Variants in SYT14 observed in about 807,000 individuals in gnomAD.
The protein encoded by SYT14 is synaptotagmin-14.
In SYT14, 32 loss-of-function variants were observed where a neutral mutation model predicts 74.2. The observed-to-expected ratio is 0.43, with a 90% CI of 0.33 to 0.58. The LOEUF (loss-of-function observed/expected upper bound fraction) is 0.58, where lower values mean the gene tolerates loss of function less well. Among genes scored for constraint, SYT14 ranks in the 20% least tolerant of loss-of-function variants. The pLI is 0.05. For missense variants in SYT14, 791 were observed against 981.8 expected (o/e 0.81, Z 2.60); for synonymous variants, 298 against 337.7 (o/e 0.88, Z 1.29).
chr1:210,083,574 AT>A (rs1333145195), intron 5 of SYT14, among the ~76,000 whole-genome samples: 115 of 143,916 alleles, frequency 8.0e-4, no homozygotes, highest in Admixed American at 1.2e-3. Context: ...CTAATTTTCA[AT>A]TTTTTTTTTT....
intron 1 of SYT14, among the ~76,000 whole-genome samples, chr1:209,942,143 A>G (rs1022211316): frequency 1.3e-4 from 20 of 152,162 alleles, no homozygotes; most frequent in African/African-American, 4.6e-4. Flanking sequence ...CCAAGTTTCT[A>G]TGCATTGTTT....
At chr1:210,097,174 T>A (rs939810064) in intron 6 of SYT14, among the ~76,000 whole-genome samples, 1 of 152,246 alleles carries the variant, frequency 6.6e-6, no homozygotes, top group Non-Finnish European at 1.5e-5. Flanking sequence ...TTTGTGTTTT[T>A]TCAAGTTTAT....
At chr1:209,946,733 A>G (rs2078829151) in intron 1 of SYT14, among the ~76,000 whole-genome samples, 1 of 152,258 alleles carries the variant, frequency 6.6e-6, no homozygotes, top group African/African-American at 2.4e-5. Context: ...AGGTGGCTAC[A>G]CTAAACAACA....
intron 6 of SYT14, among the ~76,000 whole-genome samples, chr1:210,094,931 G>T (rs1434260255): frequency 6.6e-6 from 1 of 151,366 alleles, no homozygotes; most frequent in East Asian, 1.9e-4. Flanking sequence ...ATTTTATTTT[G>T]GATTTTTTTA....
chr1:209,961,729 AT>A (rs925655886), intron 2 of SYT14, among the ~76,000 whole-genome samples: 62 of 148,558 alleles, frequency 4.2e-4, no homozygotes, highest in African/African-American at 1.1e-3. Flanking sequence ...AATCAGATGT[AT>A]TTTTTTTTTG....
chr1:209,954,925 C>T (rs540126707), intron 2 of SYT14, among the ~76,000 whole-genome samples: 7 of 152,192 alleles, frequency 4.6e-5, no homozygotes, highest in Admixed American at 6.5e-5. Flanking sequence ...AGGCTGGTCT[C>T]GAATTCGTGG....
intron 5 of SYT14, among the ~76,000 whole-genome samples, chr1:210,048,293 T>C (rs1458843894): frequency 6.6e-6 from 1 of 152,176 alleles, no homozygotes; most frequent in Non-Finnish European, 1.5e-5. Context: ...TCTGTATGTG[T>C]CCCTGTATTA....
intron 2 of SYT14, among the ~76,000 whole-genome samples, chr1:209,980,024 A>G (rs1395329144): frequency 6.6e-6 from 1 of 152,248 alleles, no homozygotes; most frequent in East Asian, 1.9e-4. Context: ...GTTTTTGAAG[A>G]ATCACCATAT....
chr1:209,983,946 T>C (rs2079531657), intron 2 of SYT14, among the ~76,000 whole-genome samples: 1 of 152,218 alleles, frequency 6.6e-6, no homozygotes, highest in Admixed American at 6.5e-5. Context: ...TTCCTTCTTG[T>C]ATATAGTCAG....
At chr1:209,962,831 A>T (rs1289724534) in intron 2 of SYT14, among the ~76,000 whole-genome samples, 4 of 152,112 alleles carry the variant, frequency 2.6e-5, no homozygotes, top group Non-Finnish European at 5.9e-5. Flanking sequence ...ATGAGAGCCC[A>T]TCCTGTACCT....
intron 5 of SYT14, among the ~76,000 whole-genome samples, chr1:210,043,520 A>G (rs1278041720): frequency 6.6e-6 from 1 of 152,228 alleles, no homozygotes; most frequent in African/African-American, 2.4e-5. Context: ...TCCAAATGGC[A>G]TATAGTTGTC....
At chr1:210,070,713 C>T (rs2081376880) in intron 5 of SYT14, among the ~76,000 whole-genome samples, 1 of 152,092 alleles carries the variant, frequency 6.6e-6, no homozygotes, top group East Asian at 1.9e-4. Context: ...AAGTGGCTTG[C>T]GCTTTGTTGT....
intron 7 of SYT14, among the ~76,000 whole-genome samples, chr1:210,133,200 A>G (rs1038642492): frequency 1.3e-5 from 2 of 152,222 alleles, no homozygotes; most frequent in African/African-American, 4.8e-5. Flanking sequence ...ATTTCTAGCA[A>G]AGCATCTTAG....
At chr1:210,015,783 A>T in exon 4 of SYT14, 1 of 842,004 alleles carries the variant, frequency 1.2e-6, no homozygotes, top group Non-Finnish European at 1.5e-6. Context: ...GTTTAAACCA[A>T]GTGGTTTGAT....
At chr1:210,018,300 G>A (rs227223) in intron 4 of SYT14, among the ~76,000 whole-genome samples, 82,553 of 151,720 alleles carry the variant, frequency 0.54, 23,724 homozygotes, top group African/African-American at 0.73. Flanking sequence ...CGCCCAGCTA[G>A]TTTTTGTCTT....
At position 209,959,525 on chromosome 1, in the gene SYT14, T is replaced by C. The variant is rs188807391; in HGVS notation, c.-486+6769T>C. Among the ~76,000 whole-genome samples the C allele has an allele frequency of 6.8e-4, 104 of 152,294 alleles. 1 individual carries two copies. Among genetic ancestry groups the C allele is most frequent in the African/African-American group, 2.4e-3 (100 of 41,562 alleles). ...TGAATGAATTAAATAAAATGTGGCA[T>C]ATTGACACAGTGGAATATTATTCAT... On this transcript the variant is annotated intron_variant, in intron 2 of 9. Coordinates refer to ENST00000637265, the Ensembl canonical transcript of SYT14.
At chr1:209,952,060 G>T (rs536079875) in intron 1 of SYT14, among the ~76,000 whole-genome samples, 1 of 152,032 alleles carries the variant, frequency 6.6e-6, no homozygotes, top group African/African-American at 2.4e-5. Context: ...TTAGCAACTC[G>T]GGTGCTTACT....
At chr1:210,072,132 G>GAT (rs34290398) in intron 5 of SYT14, among the ~76,000 whole-genome samples, 39,621 of 146,094 alleles carry the variant, frequency 0.27, 5,484 homozygotes, top group Admixed American at 0.41. Flanking sequence ...GTTAATTAAA[G>GAT]ATATATATAT....
intron 2 of SYT14, among the ~76,000 whole-genome samples, chr1:210,008,366 A>ATTTT (rs11382937): frequency 1.3e-5 from 2 of 149,900 alleles, no homozygotes; most frequent in Non-Finnish European, 1.5e-5. Context: ...TTTAAATAGA[A>ATTTT]TTTTTTTTTT....
Sources: gnomAD v4.1 joint callset for allele counts (sites outside exome capture counted in the v4.1 genomes callset) on GRCh38, gnomAD v4.1.1 for gene constraint, MANE v1.5 for transcripts, NCBI Gene and HGNC (gene_info 2026-07-23, HGNC 2026-07-21) for gene names.